TRAM1: variants seen among roughly 807,000 people sequenced by gnomAD.
TRAM1 encodes the protein translocating chain-associated membrane protein 1.
TRAM1 carries 17 observed loss-of-function variants against 48.7 expected under a neutral mutation model. The observed-to-expected ratio is 0.35, with a 90% CI of 0.24 to 0.52. TRAM1 has a LOEUF of 0.52. Ranked by LOEUF, TRAM1 falls within the 20% of genes least tolerant of loss-of-function variation. The pLI is 0.94. For synonymous variants in TRAM1, 182 were observed against 154.0 expected (o/e 1.18, Z -1.34); for missense variants, 351 against 441.5 (o/e 0.79, Z 1.84).
At position 70,573,596 on chromosome 8, in the gene TRAM1, A is replaced by G. The variant is rs1038216241; in HGVS notation, c.*1336T>C. Reference sequence around the variant, plus strand: ...GGAAGTAGGTTAACAGCTAGAAAGAAAAAGGACAATTTCCTAGCAGCATGG... The same window carrying G: ...GGAAGTAGGTTAACAGCTAGAAAGAGAAAGGACAATTTCCTAGCAGCATGG... On this transcript the variant is annotated 3_prime_UTR_variant, in exon 11 of 11. Coordinates refer to ENST00000262213, the MANE Select transcript of TRAM1 (RefSeq NM_014294.6). 1 of 152,644 alleles carries G rather than the reference A, an allele frequency of 6.6e-6. No individual in the cohort carries two copies. Among genetic ancestry groups the G allele is most frequent in the Non-Finnish European group, 1.5e-5 (1 of 68,036 alleles). The allele number at this position is 152,644 out of a possible 1,614,324, so 9.5% of individuals were successfully genotyped here. A position where few individuals can be genotyped will look rare whatever the true frequency, so the allele number is the denominator to read the frequency against.
At chr8:70,594,454 T>TC in intron 6 of TRAM1, 52 bp downstream of exon 6, 1 of 1,437,212 alleles carries the variant, frequency 7.0e-7, no homozygotes, top group Non-Finnish European at 9.4e-7. Context: ...GAAAAATTTT[T>TC]CAAAAAAAAA....
chr8:70,607,010 A>C, intron 1 of TRAM1: 1 of 922,044 alleles, frequency 1.1e-6, no homozygotes, highest in Non-Finnish European at 1.3e-6. Flanking sequence ...AAATACTCCA[A>C]AATCTCTACT....
intron 6 of TRAM1, 51 bp from the exon 7 acceptor site, chr8:70,587,227 C>T: frequency 6.4e-7 from 1 of 1,573,690 alleles, no homozygotes; most frequent in South Asian, 1.1e-5. Flanking sequence ...TTTCCTTTCC[C>T]TTTTTTTAAG....
intron 8 of TRAM1, among the ~76,000 whole-genome samples, chr8:70,586,232 A>G (rs1434296084): frequency 2.3e-5 from 3 of 132,364 alleles, no homozygotes; most frequent in Non-Finnish European, 4.6e-5. Context: ...ATGAGAACAC[A>G]TCGACACAGG....
intron 1 of TRAM1, chr8:70,607,546 G>C (rs940393169): frequency 2.1e-6 from 2 of 949,382 alleles, no homozygotes; most frequent in African/African-American, 3.5e-5. Flanking sequence ...GAGCTACCGG[G>C]GGCTCCCCTG....
chr8:70,604,177 A>C (rs111895571), intron 1 of TRAM1, among the ~76,000 whole-genome samples: 32 of 152,346 alleles, frequency 2.1e-4, no homozygotes, highest in African/African-American at 7.7e-4. Flanking sequence ...ATGCATCTTA[A>C]ATAGGTTACC....
Position 70,584,631 on chromosome 8 carries a change from C to G in TRAM1, c.747-838G>C, listed in dbSNP as rs996353318. ...TACAAAAATCACAAGCATTCTTATA[C>G]ACCAATAACAGACAGAGAGCCAAAT... On this transcript the variant is annotated intron_variant, in intron 8 of 10. Coordinates refer to ENST00000262213, the MANE Select transcript of TRAM1 (RefSeq NM_014294.6). Among the ~76,000 whole-genome samples, 124 of 152,150 alleles carry G rather than the reference C, an allele frequency of 8.1e-4. 1 individual carries two copies. Among genetic ancestry groups the G allele is most frequent in the Admixed American group, 8.1e-3 (124 of 15,266 alleles).
chr8:70,576,044 G>A (rs1361727729), intron 10 of TRAM1, among the ~76,000 whole-genome samples: 40 of 143,790 alleles, frequency 2.8e-4, no homozygotes, highest in Admixed American at 9.1e-4. Flanking sequence ...GCACTCCAGC[G>A]TGGGCAACAG....
chr8:70,587,999 T>C (rs1267860215), intron 6 of TRAM1, among the ~76,000 whole-genome samples: 1 of 152,060 alleles, frequency 6.6e-6, no homozygotes, highest in Non-Finnish European at 1.5e-5. Context: ...GGAGGATCAT[T>C]TGAGGCCAGG....
At chr8:70,589,297 A>G (rs1817297435) in intron 6 of TRAM1, among the ~76,000 whole-genome samples, 2 of 152,188 alleles carry the variant, frequency 1.3e-5, no homozygotes, top group African/African-American at 2.4e-5. Context: ...TAAATTTCCA[A>G]TGAAATATTT....
intron 1 of TRAM1, among the ~76,000 whole-genome samples, chr8:70,606,102 G>A (rs940068735): frequency 1.3e-5 from 2 of 152,156 alleles, no homozygotes; most frequent in Admixed American, 6.5e-5. Flanking sequence ...ACAGAAAATT[G>A]AATATACTAC....
intron 1 of TRAM1, among the ~76,000 whole-genome samples, chr8:70,605,409 A>C (rs1445401997): frequency 6.6e-6 from 1 of 152,176 alleles, no homozygotes; most frequent in Non-Finnish European, 1.5e-5. Context: ...TTTACAGTGT[A>C]TCTCCATTGC....
chr8:70,600,104 G>C, intron 1 of TRAM1, 22 bp from the exon 2 acceptor site: 1 of 1,601,576 alleles, frequency 6.2e-7, no homozygotes, highest in Non-Finnish European at 8.6e-7. Flanking sequence ...GAAAAACAAA[G>C]ATCAAGTCAA....
At chr8:70,576,080 G>GAA (rs1554532119) in intron 10 of TRAM1, among the ~76,000 whole-genome samples, 7 of 81,028 alleles carry the variant, frequency 8.6e-5, no homozygotes, top group African/African-American at 2.5e-4. Context: ...AAAAAAAAAA[G>GAA]AAAAAAAAAA....
Position 70,574,723 on chromosome 8 carries a change from C to T in TRAM1, c.*209G>A, listed in dbSNP as rs1816907872. 2.4e-6 allele frequency: 1 copy of T among 411,700 alleles called. No homozygotes were observed. The highest frequency in any genetic ancestry group is 6.7e-4 in the Middle Eastern group (1 of 1,498). 25.5% of individuals were successfully genotyped at this position (411,700 alleles called of 1,614,324 possible). On this transcript the variant is annotated 3_prime_UTR_variant, in exon 11 of 11. Coordinates refer to ENST00000262213, the MANE Select transcript of TRAM1 (RefSeq NM_014294.6). The stretch of plus-strand genomic sequence containing the variant: ...GGTGGTCCCTAAACTATTTTGAAGG[C>T]AGGTAGCTTAGTCTAAGCTAAAATA...
At chr8:70,579,061 T>C (rs959157926) in intron 10 of TRAM1, among the ~76,000 whole-genome samples, 5 of 152,260 alleles carry the variant, frequency 3.3e-5, no homozygotes, top group Non-Finnish European at 5.9e-5. Flanking sequence ...AACTTTATCA[T>C]AGCTAATTAG....
In TRAM1 at chr8:70,608,211, C is replaced by T. The variant is rs773267510; in HGVS notation, c.-12G>A. 5.1e-6 allele frequency: 8 copies of T among 1,583,624 alleles called. No homozygotes were observed. Among genetic ancestry groups the T allele is most frequent in the East Asian group, 2.4e-5 (1 of 40,874 alleles). ...TTGCGAATCGCCATGGTGGGGCCGCCGCCCGCGCCTGCAGGTGCTCCGCCC... is the reference window on the plus strand; with the variant it reads ...TTGCGAATCGCCATGGTGGGGCCGCTGCCCGCGCCTGCAGGTGCTCCGCCC... On this transcript the variant is annotated 5_prime_UTR_variant, in exon 1 of 11. Coordinates refer to ENST00000262213, the MANE Select transcript of TRAM1 (RefSeq NM_014294.6).
At position 70,608,365 on chromosome 8, in the gene TRAM1, G is replaced by C; in HGVS notation, c.-166C>G. On this transcript the variant is annotated 5_prime_UTR_variant, in exon 1 of 11. Transcript: ENST00000262213. The stretch of plus-strand genomic sequence containing the variant: ...ACAGCCAGTACGCAGCCGCCGGGCC[G>C]CCCGGGGGAAAAAAAAAAACACAAC... The C allele has an allele frequency of 3.3e-6, 2 of 598,288 alleles. No individual in the cohort carries two copies. The highest frequency in any genetic ancestry group is 3.1e-5 in the South Asian group (1 of 32,610). The allele number at this position is 598,288 out of a possible 1,614,324, so 37.1% of individuals were successfully genotyped here.
chr8:70,576,075 A>AAAAAAAAAAAAAAAAAAAAAC, intron 10 of TRAM1, among the ~76,000 whole-genome samples: 1 of 70,098 alleles, frequency 1.4e-5, no homozygotes, highest in Non-Finnish European at 4.7e-5. Flanking sequence ...CATCTAAAAA[A>AAAAAAAAAAAAAAAAAAAAAC]AAAAGAAAAA....
Sources: gnomAD v4.1 joint callset for allele counts (sites outside exome capture counted in the v4.1 genomes callset) on GRCh38, gnomAD v4.1.1 for gene constraint, MANE v1.5 for transcripts, NCBI Gene and HGNC (gene_info 2026-07-23, HGNC 2026-07-21) for gene names.